The following FUT8 variants were observed in gnomAD, a reference collection of about 807,000 sequenced individuals.
FUT8 encodes the protein alpha-(1,6)-fucosyltransferase.
FUT8 carries 29 observed loss-of-function variants against 71.3 expected under a neutral mutation model. The observed-to-expected ratio is 0.41, with a 90% CI of 0.30 to 0.55. The LOEUF (loss-of-function observed/expected upper bound fraction) is 0.55. FUT8 is among the 20% of genes least tolerant of loss of function. The pLI is 0.34. For synonymous variants in FUT8, 254 were observed against 239.3 expected (o/e 1.06, Z -0.57); for missense variants, 544 against 702.1 (o/e 0.77, Z 2.55).
chr14:65,537,010 C>T lies in FUT8; in HGVS notation c.-227-24327C>T, dbSNP rs1352525867. On this transcript the variant is annotated intron_variant, in intron 2 of 10. Coordinates refer to ENST00000673929, the MANE Select transcript of FUT8 (RefSeq NM_001371533.1). ...TGCTGACTGTCTTATTTCAGAAAGC[C>T]AGTCTTCAAGTTCTATGATTTTTTT... is the stretch of plus-strand genomic sequence containing the variant. Among the ~76,000 whole-genome samples, 7 of 117,680 alleles carry T rather than the reference C, an allele frequency of 5.9e-5. No individual in the cohort carries two copies. The Admixed American group carries it at 6.4e-4, about 11-fold the overall frequency. The allele number at this position is 117,680 out of a possible 152,430, so 77.2% of individuals were successfully genotyped here.
rs898076529 is a variant in FUT8 at position 65,686,138 on chromosome 14, A to C, written c.835+16658A>C. ...AGAAATGATGAGCAGTCTACCTACC[A>C]TGTGGAGAAGACACCTCAGAAATGG... On this transcript the variant is annotated intron_variant, in intron 7 of 10. Coordinates refer to ENST00000673929, the MANE Select transcript of FUT8 (RefSeq NM_001371533.1). Among the ~76,000 whole-genome samples the C allele has an allele frequency of 1.5e-4, 23 of 152,190 alleles. 1 individual carries two copies. Among genetic ancestry groups the C allele is most frequent in the Admixed American group, 3.9e-4 (6 of 15,276 alleles).
rs1307701130 is a variant in FUT8, at chr14:65,595,833, T to C, written c.204-20145T>C. Among the ~76,000 whole-genome samples the C allele has an allele frequency of 3.3e-5, 5 of 152,122 alleles. No homozygotes were observed. In the East Asian group the frequency reaches 9.7e-4, roughly 29 times the overall value. On this transcript the variant is annotated intron_variant, in intron 3 of 10. Coordinates refer to ENST00000673929, the MANE Select transcript of FUT8 (RefSeq NM_001371533.1). ...ACCGTGTTAGCCAGGATGGTCTCAA[T>C]CTCCTGACCTTGTGATCTGCCCACC... is the stretch of plus-strand genomic sequence containing the variant.
chr14:65,677,395 C>G (rs948321190), intron 7 of FUT8, among the ~76,000 whole-genome samples: 5 of 152,038 alleles, frequency 3.3e-5, no homozygotes, highest in Non-Finnish European at 7.4e-5. Flanking sequence ...CCACCTCTTC[C>G]TAAAGAGGTC....
chr14:65,614,185 CT>C (rs565304046), intron 3 of FUT8, among the ~76,000 whole-genome samples: 1 of 151,806 alleles, frequency 6.6e-6, no homozygotes, highest in Non-Finnish European at 1.5e-5. Context: ...CTTAAGTTCC[CT>C]TAAACTGGTC....
intron 3 of FUT8, among the ~76,000 whole-genome samples, chr14:65,565,793 C>A (rs186485707): frequency 2.3e-3 from 355 of 151,390 alleles, no homozygotes; most frequent in Non-Finnish European, 3.8e-3. Context: ...GTTGATTTGC[C>A]ATTCATATGT....
intron 2 of FUT8, among the ~76,000 whole-genome samples, chr14:65,557,417 C>T (rs1308170029): frequency 1.3e-5 from 2 of 151,292 alleles, no homozygotes; most frequent in African/African-American, 4.9e-5. Flanking sequence ...ACTGCAACCT[C>T]CACCTTCCAG....
rs534333406 is a variant in FUT8 at position 65,449,865 on chromosome 14, G to A, written c.-325-5756G>A. Among the ~76,000 whole-genome samples, 3 of 152,334 alleles carry A rather than the reference G, an allele frequency of 2.0e-5. No homozygotes were observed. The East Asian group carries it at 5.8e-4, about 29-fold the overall frequency. ...AGGACCATCAGTGTTACAAGACTCA[G>A]TAGTGCCTGAGTCATACTTAGCTTT... On this transcript the variant is annotated intron_variant, in intron 1 of 10. Coordinates refer to ENST00000673929, the MANE Select transcript of FUT8 (RefSeq NM_001371533.1).
intron 7 of FUT8, among the ~76,000 whole-genome samples, chr14:65,674,558 G>A (rs1161497618): frequency 6.6e-6 from 1 of 152,174 alleles, no homozygotes; most frequent in Admixed American, 6.5e-5. Context: ...AAGAAATACA[G>A]AGAAGCAAGA....
chr14:65,560,425 C>T (rs553967252), intron 2 of FUT8, among the ~76,000 whole-genome samples: 4 of 152,202 alleles, frequency 2.6e-5, no homozygotes, highest in East Asian at 1.9e-4. Flanking sequence ...GCAATTCTCC[C>T]GCCTTGTCTC....
chr14:65,668,726 A>G (rs1594879701), intron 6 of FUT8, among the ~76,000 whole-genome samples: 1 of 152,192 alleles, frequency 6.6e-6, no homozygotes, highest in East Asian at 1.9e-4. Flanking sequence ...GACACATGCA[A>G]TTAACATGTT....
intron 1 of FUT8, among the ~76,000 whole-genome samples, chr14:65,446,020 A>G (rs2065735835): frequency 6.6e-6 from 1 of 152,270 alleles, no homozygotes; most frequent in South Asian, 2.1e-4. Flanking sequence ...TAAAATAGGT[A>G]ACAACTATCA....
intron 2 of FUT8, among the ~76,000 whole-genome samples, chr14:65,456,251 A>G (rs529776792): frequency 5.3e-5 from 8 of 152,326 alleles, no homozygotes; most frequent in Non-Finnish European, 8.8e-5. Flanking sequence ...ACCTCTCCTT[A>G]TACCTCAATC....
At chr14:65,626,839 T>C (rs527505999) in intron 5 of FUT8, among the ~76,000 whole-genome samples, 16 of 152,380 alleles carry the variant, frequency 1.1e-4, no homozygotes, top group Admixed American at 3.3e-4. Context: ...TTTCTGACTT[T>C]ATAATTTTCA....
intron 1 of FUT8, among the ~76,000 whole-genome samples, chr14:65,421,549 T>G (rs2065294946): frequency 6.6e-6 from 1 of 152,080 alleles, no homozygotes; most frequent in Non-Finnish European, 1.5e-5. Context: ...CATGAAGGAG[T>G]CAAAAGCAGT....
intron 6 of FUT8, among the ~76,000 whole-genome samples, chr14:65,639,456 GAAGTTTA>G (rs1890725979): frequency 1.3e-5 from 2 of 151,422 alleles, no homozygotes; most frequent in Admixed American, 1.3e-4. Flanking sequence ...CTGCCCTTAG[GAAGTTTA>G]AAGTCTAGTA....
chr14:65,564,155 A>AT (rs760252003), intron 3 of FUT8, among the ~76,000 whole-genome samples: 6 of 152,028 alleles, frequency 3.9e-5, no homozygotes. Flanking sequence ...TAGCATTGGG[A>AT]TTTTTTTCCC....
At chr14:65,400,870 G>C in the FUT8 span, among the ~76,000 whole-genome samples, 1 of 152,236 alleles carries the variant, frequency 6.6e-6, no homozygotes, top group African/African-American at 2.4e-5. Context: ...GGGCAACAGT[G>C]GGAGACCCTG....
chr14:65,741,537 G>T (rs1479350435), intron 10 of FUT8, among the ~76,000 whole-genome samples: 2 of 151,882 alleles, frequency 1.3e-5, no homozygotes, highest in East Asian at 3.9e-4. Flanking sequence ...TGCACGTTGT[G>T]CACGTGTACC....
At chr14:65,721,640 A>G (rs578206108) in intron 7 of FUT8, 135 bp from the exon 8 acceptor site, 1 of 906,482 alleles carries the variant, frequency 1.1e-6, no homozygotes, top group African/African-American at 1.7e-5. Context: ...AAGTTATTTA[A>G]CTTCCTTTGT....
Sources: gnomAD v4.1 joint callset for allele counts (sites outside exome capture counted in the v4.1 genomes callset) on GRCh38, gnomAD v4.1.1 for gene constraint, MANE v1.5 for transcripts, NCBI Gene and HGNC (gene_info 2026-07-23, HGNC 2026-07-21) for gene names.